PIK3R1: variants seen among roughly 807,000 people sequenced by gnomAD.
PIK3R1 encodes phosphatidylinositol 3-kinase regulatory subunit alpha.
PIK3R1 carries 29 observed loss-of-function variants against 98.0 expected under a neutral mutation model. That is an observed-to-expected ratio of 0.30 (90% CI 0.22 to 0.40). The LOEUF (loss-of-function observed/expected upper bound fraction) is 0.40. PIK3R1 is among the 10% of genes least tolerant of loss of function. The pLI is 1.00. For missense variants in PIK3R1, 596 were observed against 872.7 expected, an observed-to-expected ratio of 0.68 and a Z score of 3.99; for synonymous variants, 282 against 311.8, an observed-to-expected ratio of 0.90 and a Z score of 1.01.
Position 68,298,279 on chromosome 5 carries a change from G to GACTT in PIK3R1, c.*680_*683dup, listed in dbSNP as rs1747842162. 4.3e-6 allele frequency: 1 copy of GACTT among 233,062 alleles called. No individual in the cohort carries two copies. Among genetic ancestry groups the GACTT allele is most frequent in the East Asian group, 6.1e-5 (1 of 16,434 alleles). 14.4% of individuals were successfully genotyped at this position (233,062 alleles called of 1,614,324 possible). A position where few individuals can be genotyped will look rare whatever the true frequency, so the allele number is the denominator to read the frequency against. ...CAGAAAAATGGAGTTTGGAAAACAG[G>GACTT]ACTTAAAATGACATTCAGTATATAA... On this transcript the variant is annotated 3_prime_UTR_variant, in exon 16 of 16. Transcript: ENST00000521381.
chr5:68,294,824 G>C (rs765087421), intron 12 of PIK3R1, 146 bp downstream of exon 12: 1 of 309,500 alleles, frequency 3.2e-6, no homozygotes, highest in Admixed American at 4.9e-5. Flanking sequence ...GTGGGGGGAG[G>C]AGGGAGGGAT....
intron 7 of PIK3R1, chr5:68,288,645 CG>C (rs1250632689): frequency 3.8e-6 from 6 of 1,599,768 alleles, no homozygotes; most frequent in Admixed American, 1.7e-5. Context: ...GGGGGAGGTG[CG>C]GGGGCTTGGC....
chr5:68,285,725 G>C (rs1747051061), intron 7 of PIK3R1, among the ~76,000 whole-genome samples: 1 of 152,152 alleles, frequency 6.6e-6, no homozygotes, highest in African/African-American at 2.4e-5. Context: ...GCTAAGCAGT[G>C]GGGATGCCTT....
At chr5:68,218,390 A>G (rs544016581) in intron 1 of PIK3R1, among the ~76,000 whole-genome samples, 1 of 152,116 alleles carries the variant, frequency 6.6e-6, no homozygotes, top group South Asian at 2.1e-4. Context: ...TTTTAGGTTG[A>G]TATGTTGATT....
chr5:68,269,258 A>G (rs975795655), intron 2 of PIK3R1, among the ~76,000 whole-genome samples: 3 of 152,220 alleles, frequency 2.0e-5, no homozygotes, highest in Admixed American at 2.0e-4. Flanking sequence ...AAAGGAATCA[A>G]CAAATTTGCC....
chr5:68,244,523 G>GCA lies in PIK3R1; in HGVS notation c.334+17515_334+17516insAC, dbSNP rs1404821390. 2.5e-4 allele frequency among the ~76,000 whole-genome samples: 2 copies of GCA among 7,998 alleles called. 1 individual carries two copies. The highest frequency in any genetic ancestry group is 2.6e-3 in the African/African-American group (2 of 770). 5.2% of individuals were successfully genotyped at this position (7,998 alleles called of 152,430 possible). A position where few individuals can be genotyped will look rare whatever the true frequency, so the allele number is the denominator to read the frequency against. On this transcript the variant is annotated intron_variant, in intron 2 of 15. Coordinates refer to ENST00000521381, the MANE Select transcript of PIK3R1 (RefSeq NM_181523.3). ...CCTATTTCTCTAGGACCGCCCCCCCGCCCCCCGCCGCCGCTTCAGAGAGCT... is the reference window on the plus strand; with the variant it reads ...CCTATTTCTCTAGGACCGCCCCCCCGCACCCCCCGCCGCCGCTTCAGAGAGCT...
Position 68,273,378 on chromosome 5 carries a change from T to TG in PIK3R1, c.335-11dup. The TG allele has an allele frequency of 6.2e-7, 1 of 1,612,080 alleles. No homozygotes were observed. Among genetic ancestry groups the TG allele is most frequent in the Non-Finnish European group, 8.5e-7 (1 of 1,178,166 alleles). On this transcript the variant is annotated splice_polypyrimidine_tract_variant and intron_variant, in intron 2 of 15. Coordinates refer to ENST00000521381, the MANE Select transcript of PIK3R1 (RefSeq NM_181523.3). ...CAAATTAAATACAATGGTGGGATTTTGTTGTTTGCAGCTTTGACTCTCCCG... is the reference window on the plus strand; with the variant it reads ...CAAATTAAATACAATGGTGGGATTTTGGTTGTTTGCAGCTTTGACTCTCCCG...
chr5:68,290,756 G>GA, intron 7 of PIK3R1: 1 of 1,613,532 alleles, frequency 6.2e-7, no homozygotes, highest in Non-Finnish European at 8.5e-7. Flanking sequence ...GAATATGGAA[G>GA]ACCTGGATTT....
Position 68,297,542 on chromosome 5 carries a change from C to T in PIK3R1, c.2116C>T (p.His706Tyr), listed in dbSNP as rs2112293007. Reference sequence around the variant, plus strand: ...TTACCAACACACCTCCCTTGTGCAGCACAACGACTCCCTCAATGTCACACT... The same window carrying T: ...TTACCAACACACCTCCCTTGTGCAGTACAACGACTCCCTCAATGTCACACT... ...LHYQHTSLVQHNDSLNVTLAY... is the reference protein window; with the variant it reads ...LHYQHTSLVQYNDSLNVTLAY... The change falls in exon 16 of 16, where the codon CAC becomes TAC. Residue 706 changes from histidine (H) to tyrosine (Y), a missense_variant. His to Tyr is a moderately conservative substitution (Grantham distance 83, BLOSUM62 2). Transcript: ENST00000521381. The T allele has an allele frequency of 6.2e-7, 1 of 1,614,198 alleles. No homozygotes were observed. Among genetic ancestry groups the T allele is most frequent in the Non-Finnish European group, 8.5e-7 (1 of 1,180,024 alleles).
chr5:68,291,714 A>G (rs1172839573), intron 7 of PIK3R1: 1 of 152,622 alleles, frequency 6.6e-6, no homozygotes, highest in Non-Finnish European at 1.5e-5. Flanking sequence ...GGCTTTTGGC[A>G]GAACAGTGCC....
intron 2 of PIK3R1, among the ~76,000 whole-genome samples, chr5:68,265,944 C>G (rs896624258): frequency 3.9e-5 from 6 of 152,150 alleles, no homozygotes; most frequent in African/African-American, 1.4e-4. Flanking sequence ...GCTTTTTTCT[C>G]CTTATTTCCA....
intron 2 of PIK3R1, among the ~76,000 whole-genome samples, chr5:68,245,969 C>G (rs1224707722): frequency 6.6e-6 from 1 of 152,196 alleles, no homozygotes; most frequent in Non-Finnish European, 1.5e-5. Flanking sequence ...AGTATTTATT[C>G]TCTTCAGTTG....
At chr5:68,292,220 A>G in intron 7 of PIK3R1, 39 bp from the exon 8 acceptor site, 1 of 1,239,998 alleles carries the variant, frequency 8.1e-7, no homozygotes, top group Non-Finnish European at 1.2e-6. Context: ...GTTCTAATGT[A>G]GTTGGGATTG....
intron 7 of PIK3R1, among the ~76,000 whole-genome samples, chr5:68,287,944 A>T (rs1386199777): frequency 1.3e-5 from 2 of 152,152 alleles, no homozygotes; most frequent in African/African-American, 4.8e-5. Context: ...GTTGCTCACA[A>T]GGGCTTTCCT....
chr5:68,224,263 G>A (rs2111953317), intron 1 of PIK3R1, among the ~76,000 whole-genome samples: 1 of 152,316 alleles, frequency 6.6e-6, no homozygotes, highest in Non-Finnish European at 1.5e-5. Flanking sequence ...ATTTTCATGT[G>A]AATTTATGCA....
intron 1 of PIK3R1, among the ~76,000 whole-genome samples, chr5:68,225,051 G>A (rs1296317361): frequency 1.3e-5 from 2 of 152,216 alleles, no homozygotes; most frequent in Non-Finnish European, 2.9e-5. Flanking sequence ...CATCATGGGC[G>A]AAGCCCCAAA....
chr5:68,262,845 AGATACATGTAGATACATG>A lies in PIK3R1; in HGVS notation c.335-10544_335-10527del, dbSNP rs1294815518. 9.7e-4 allele frequency among the ~76,000 whole-genome samples: 115 copies of A among 118,478 alleles called. 34 individuals carry two copies. The highest frequency in any genetic ancestry group is 1.6e-3 in the Admixed American group (21 of 12,870). The allele number at this position is 118,478 out of a possible 152,430, so 77.7% of individuals were successfully genotyped here. On this transcript the variant is annotated intron_variant, in intron 2 of 15. Coordinates refer to ENST00000521381, the MANE Select transcript of PIK3R1 (RefSeq NM_181523.3). ...TACATGTAGATACATGTATACATGTAGATACATGTAGATACATGTATACATGTAGATACATGTAGATAC... is the reference window on the plus strand; with the variant it reads ...TACATGTAGATACATGTATACATGTATATACATGTAGATACATGTAGATAC...
chr5:68,274,954 G>C (rs938224029), intron 4 of PIK3R1, among the ~76,000 whole-genome samples: 1 of 152,280 alleles, frequency 6.6e-6, no homozygotes, highest in Middle Eastern at 3.4e-3. Flanking sequence ...TCCGTCAGAG[G>C]TATAATTGTA....
At chr5:68,294,721 C>T in intron 12 of PIK3R1, 43 bp downstream of exon 12, 1 of 1,474,574 alleles carries the variant, frequency 6.8e-7, no homozygotes, top group South Asian at 1.3e-5. Flanking sequence ...AACCAAAATC[C>T]TCTAAAACCA....
Sources: gnomAD v4.1 joint callset for allele counts (sites outside exome capture counted in the v4.1 genomes callset) on GRCh38, gnomAD v4.1.1 for gene constraint, MANE v1.5 for transcripts, NCBI Gene and HGNC (gene_info 2026-07-23, HGNC 2026-07-21) for gene names.